The following KCNMA1 variants were observed in gnomAD, a reference collection of about 807,000 sequenced individuals.
KCNMA1 encodes potassium calcium-activated channel subfamily M alpha 1, also known as Calcium-activated potassium channel subunit alpha-1.
KCNMA1 carries 29 observed loss-of-function variants against 140.0 expected under a neutral mutation model. The ratio of observed to expected loss-of-function variants is 0.21; its 90% confidence interval spans 0.15 to 0.28. The LOEUF (loss-of-function observed/expected upper bound fraction) is 0.28. Ranked by LOEUF, KCNMA1 falls within the 10% of genes least tolerant of loss-of-function variation. The pLI is 1.00. For synonymous variants in KCNMA1, 612 were observed against 611.9 expected (o/e 1.00, Z 0.00); for missense variants, 880 against 1,602.2 (o/e 0.55, Z 7.70).
chr10:77,475,365 G>A (rs934368356), intron 1 of KCNMA1, among the ~76,000 whole-genome samples: 8 of 152,162 alleles, frequency 5.3e-5, no homozygotes, highest in Non-Finnish European at 1.2e-4. Context: ...ACAAACCTAG[G>A]TGCCACATTA....
At chr10:77,494,117 G>A (rs2040959057) in intron 1 of KCNMA1, among the ~76,000 whole-genome samples, 1 of 152,220 alleles carries the variant, frequency 6.6e-6, no homozygotes, top group African/African-American at 2.4e-5. Context: ...ACAGGGCTGG[G>A]TGAATAAATA....
chr10:77,586,080 G>T (rs2077202216), intron 1 of KCNMA1, among the ~76,000 whole-genome samples: 2 of 152,152 alleles, frequency 1.3e-5, no homozygotes, highest in African/African-American at 4.8e-5. Context: ...TCTGTTCCCG[G>T]TATATAATAA....
chr10:77,459,590 T>TGCC (rs2097823167), intron 1 of KCNMA1, among the ~76,000 whole-genome samples: 1 of 152,162 alleles, frequency 6.6e-6, no homozygotes, highest in African/African-American at 2.4e-5. Context: ...GGCAGGCTGG[T>TGCC]CCCCGAATAC....
chr10:77,604,748 T>C (rs1046375354), intron 1 of KCNMA1, among the ~76,000 whole-genome samples: 8 of 151,892 alleles, frequency 5.3e-5, no homozygotes, highest in East Asian at 1.9e-4. Flanking sequence ...GAAAAACTTA[T>C]GTCATATCCC....
intron 3 of KCNMA1, among the ~76,000 whole-genome samples, chr10:77,243,007 T>A (rs1280996648): frequency 6.6e-6 from 1 of 151,646 alleles, no homozygotes; most frequent in Non-Finnish European, 1.5e-5. Context: ...CATCAAAAAG[T>A]CCCAAGGGCA....
In KCNMA1 at chr10:77,250,799, A is replaced by G. The variant is rs1370358042; in HGVS notation, c.602+396T>C. 4 of 239,974 alleles carry G rather than the reference A, an allele frequency of 1.7e-5. No individual in the cohort carries two copies. The Admixed American group carries it at 2.0e-4, about 12-fold the overall frequency. The allele number at this position is 239,974 out of a possible 1,614,324, so 14.9% of individuals were successfully genotyped here. ...CATTGGAAACCCAATTGAGAAAAGG[A>G]TCCTACAACCATAGCAAGAATGGCT... On this transcript the variant is annotated intron_variant, in intron 3 of 27. Transcript: ENST00000286628.
At chr10:76,921,638 G>A (rs765711317) in intron 23 of KCNMA1, among the ~76,000 whole-genome samples, 16 of 152,098 alleles carry the variant, frequency 1.1e-4, no homozygotes, top group Non-Finnish European at 2.1e-4. Flanking sequence ...GAGCAACTAC[G>A]GTAATAGCCA....
At chr10:77,120,282 G>A (rs1028831) in intron 6 of KCNMA1, among the ~76,000 whole-genome samples, 3,553 of 152,186 alleles carry the variant, frequency 0.023, 235 homozygotes, top group East Asian at 0.16. Context: ...TCTGCAAGCC[G>A]GCAGGTCATC....
At chr10:77,029,016 A>G (rs183800577) in intron 15 of KCNMA1, among the ~76,000 whole-genome samples, 8 of 152,348 alleles carry the variant, frequency 5.3e-5, no homozygotes, top group Admixed American at 1.3e-4. Flanking sequence ...ATGGCTTTTC[A>G]AAGAATATTT....
intron 1 of KCNMA1, among the ~76,000 whole-genome samples, chr10:77,546,495 G>A (rs1293112506): frequency 6.6e-6 from 1 of 152,226 alleles, no homozygotes; most frequent in African/African-American, 2.4e-5. Flanking sequence ...ACGAGGACAA[G>A]CACAGGAGCA....
chr10:77,480,086 C>T (rs1374060387), intron 1 of KCNMA1, among the ~76,000 whole-genome samples: 1 of 152,234 alleles, frequency 6.6e-6, no homozygotes, highest in Non-Finnish European at 1.5e-5. Flanking sequence ...AAGCTGGATG[C>T]GCCTCCCTCC....
At chr10:77,579,587 T>C (rs913423272) in intron 1 of KCNMA1, among the ~76,000 whole-genome samples, 4 of 152,236 alleles carry the variant, frequency 2.6e-5, no homozygotes, top group African/African-American at 9.6e-5. Context: ...CCTTAGCTCA[T>C]GGACTATACA....
At chr10:77,073,878 C>T (rs926033020) in intron 13 of KCNMA1, among the ~76,000 whole-genome samples, 7 of 152,098 alleles carry the variant, frequency 4.6e-5, no homozygotes, top group African/African-American at 9.7e-5. Flanking sequence ...ATCACAGTGT[C>T]GACGTTTCCA....
chr10:76,933,232 G>T (rs925700001), intron 23 of KCNMA1, among the ~76,000 whole-genome samples: 2 of 152,202 alleles, frequency 1.3e-5, no homozygotes, highest in Non-Finnish European at 2.9e-5. Flanking sequence ...GAGAGAACAG[G>T]CTGCAAACAA....
At chr10:77,584,408 G>A (rs2076677544) in intron 1 of KCNMA1, among the ~76,000 whole-genome samples, 2 of 152,218 alleles carry the variant, frequency 1.3e-5, no homozygotes, top group Admixed American at 1.3e-4. Flanking sequence ...AGGCTGGAGT[G>A]CACTGGCGCA....
chr10:77,008,156 C>T (rs1412533865), intron 18 of KCNMA1: 1 of 1,533,210 alleles, frequency 6.5e-7, no homozygotes, highest in Non-Finnish European at 8.7e-7. Flanking sequence ...GAACTGGACT[C>T]CGGGCTGCTG....
intron 1 of KCNMA1, among the ~76,000 whole-genome samples, chr10:77,467,406 G>A (rs1359764840): frequency 3.3e-5 from 5 of 152,230 alleles, no homozygotes; most frequent in Non-Finnish European, 5.9e-5. Flanking sequence ...CTCAGCAGAT[G>A]TAATGCTGAG....
intron 3 of KCNMA1, chr10:77,217,572 A>T (rs1011234168): frequency 4.4e-6 from 2 of 456,310 alleles, no homozygotes; most frequent in Non-Finnish European, 8.8e-6. Flanking sequence ...CCGAATGAAA[A>T]CATGGAGATA....
intron 16 of KCNMA1, chr10:77,025,523 G>A: frequency 5.5e-6 from 7 of 1,265,614 alleles, no homozygotes; most frequent in Non-Finnish European, 6.8e-6. Context: ...GACACCAGAA[G>A]GAAAGAAGGA....
Sources: gnomAD v4.1 joint callset for allele counts (sites outside exome capture counted in the v4.1 genomes callset) on GRCh38, gnomAD v4.1.1 for gene constraint, MANE v1.5 for transcripts, NCBI Gene and HGNC (gene_info 2026-07-23, HGNC 2026-07-21) for gene names.